The following ABR variants were observed in gnomAD, a reference collection of about 807,000 sequenced individuals.
ABR encodes ABR activator of RhoGEF and GTPase.
A neutral mutation model predicts 107.2 loss-of-function variants in ABR; 35 were observed. The observed-to-expected ratio is 0.33, with a 90% CI of 0.25 to 0.43. The LOEUF (loss-of-function observed/expected upper bound fraction) is 0.43. Ranked by LOEUF, ABR falls within the 20% of genes least tolerant of loss-of-function variation. The probability of loss-of-function intolerance (pLI) is 1.00; values close to 1 mark genes in which losing one functional copy is unlikely to be tolerated. For synonymous variants in ABR, 498 were observed against 462.0 expected (o/e 1.08, Z -1.00); for missense variants, 815 against 1,115.2 (o/e 0.73, Z 3.83).
intron 10 of ABR, among the ~76,000 whole-genome samples, chr17:1,064,029 G>C (rs2034377241): frequency 7.0e-6 from 1 of 143,504 alleles, no homozygotes; most frequent in Non-Finnish European, 1.6e-5. Flanking sequence ...AGACACTGTT[G>C]TTATGTGAAC....
chr17:1,068,908 TA>T (rs1341598578), intron 9 of ABR, among the ~76,000 whole-genome samples: 2 of 152,226 alleles, frequency 1.3e-5, no homozygotes, highest in East Asian at 3.8e-4. Flanking sequence ...AGAAATCATG[TA>T]TTCAAAGCAT....
chr17:1,164,567 C>T (rs906507579), intron 1 of ABR, among the ~76,000 whole-genome samples: 5 of 150,676 alleles, frequency 3.3e-5, no homozygotes, highest in South Asian at 2.1e-4. Context: ...GACAAGCTTT[C>T]GGTCTACAGA....
intron 16 of ABR, among the ~76,000 whole-genome samples, chr17:1,017,101 G>A (rs1020625934): frequency 1.3e-5 from 2 of 152,066 alleles, no homozygotes; most frequent in African/African-American, 4.8e-5. Flanking sequence ...GGTGTGTGCA[G>A]AGAACCAAGT....
At chr17:1,115,742 T>A (rs1266055542) in intron 2 of ABR, among the ~76,000 whole-genome samples, 1 of 151,472 alleles carries the variant, frequency 6.6e-6, no homozygotes, top group Non-Finnish European at 1.5e-5. Flanking sequence ...CTGGCCAACG[T>A]GGTGAAACCC....
rs776850556 is a variant in ABR, at chr17:1,079,325, G to T, written c.700+5C>A. On this transcript the variant is annotated splice_donor_5th_base_variant and intron_variant, in intron 6 of 22. Transcript: ENST00000302538. ...GCCTGTAATCCAGCCCGCTCCCCGA[G>T]GTACCTTCCATGGTGACAGACGTGT... The T allele has an allele frequency of 1.9e-6, 3 of 1,613,214 alleles. No individual in the cohort carries two copies. The highest frequency in any genetic ancestry group is 8.5e-7 in the Non-Finnish European group (1 of 1,179,564).
At chr17:1,203,985 C>T (rs1260802427) in intron 1 of ABR, among the ~76,000 whole-genome samples, 2 of 152,176 alleles carry the variant, frequency 1.3e-5, no homozygotes, top group East Asian at 3.9e-4. Flanking sequence ...GGGGGAAATC[C>T]CTGGAGCCGA....
chr17:1,125,288 C>T lies in ABR; in HGVS notation c.141G>A (p.Met47Ile), dbSNP rs769785436. 1.2e-6 allele frequency: 2 copies of T among 1,613,948 alleles called. No homozygotes were observed. The highest frequency in any genetic ancestry group is 1.7e-6 in the Non-Finnish European group (2 of 1,179,936). ...QKGPPEGSET[M>I]PYIDESPTMS... is the part of the protein sequence containing the mutation. ...TGGTGGGCGACTCATCGATGTACGGCATGGTCTCTGAGCCCTCCGGGGGCC... is the reference window on the plus strand; with the variant it reads ...TGGTGGGCGACTCATCGATGTACGGTATGGTCTCTGAGCCCTCCGGGGGCC... Residue 47 changes from methionine (M) to isoleucine (I), a missense_variant, in exon 2 of 23, where the codon ATG becomes ATA. Coordinates refer to ENST00000302538, the MANE Select transcript of ABR (RefSeq NM_021962.5).
chr17:1,226,539 T>C (rs567370230), intron 1 of ABR, among the ~76,000 whole-genome samples: 5 of 151,562 alleles, frequency 3.3e-5, no homozygotes, highest in Non-Finnish European at 5.9e-5. Context: ...CAGTGTGCCA[T>C]GTACATACGT....
intron 1 of ABR, among the ~76,000 whole-genome samples, chr17:1,152,965 G>A (rs576375929): frequency 2.0e-5 from 3 of 152,162 alleles, no homozygotes; most frequent in South Asian, 2.1e-4. Flanking sequence ...GGTGGTGCAC[G>A]CCTGTAGTCC....
intron 14 of ABR, among the ~76,000 whole-genome samples, chr17:1,053,766 C>T (rs567627386): frequency 2.6e-5 from 4 of 152,228 alleles, no homozygotes; most frequent in Middle Eastern, 3.4e-3. Flanking sequence ...GGCCACGGGT[C>T]GGCTCCCTGA....
chr17:1,124,748 A>G (rs2151449117), intron 2 of ABR, among the ~76,000 whole-genome samples: 1 of 152,342 alleles, frequency 6.6e-6, no homozygotes, highest in Middle Eastern at 3.4e-3. Context: ...TTGCACCCAC[A>G]GGGAGCACCA....
intron 16 of ABR, among the ~76,000 whole-genome samples, chr17:1,022,136 C>T (rs1316194143): frequency 9.9e-6 from 1 of 101,520 alleles, no homozygotes; most frequent in Non-Finnish European, 1.8e-5. Flanking sequence ...CAGAAAATGA[C>T]TCCAGAAGGA....
In ABR at chr17:1,127,949, G is replaced by A. The variant is rs533437692; in HGVS notation, c.62-2582C>T. The stretch of plus-strand genomic sequence containing the variant: ...TTTTCCCAATTTACATACAATTGCC[G>A]AAGATCACAGGATCAGAACCCAGGT... On this transcript the variant is annotated intron_variant, in intron 1 of 22. Coordinates refer to ENST00000302538, the MANE Select transcript of ABR (RefSeq NM_021962.5). 2.6e-5 allele frequency among the ~76,000 whole-genome samples: 4 copies of A among 152,272 alleles called. No homozygotes were observed. In the South Asian group the frequency reaches 6.2e-4, roughly 24 times the overall value.
rs924437516 is a variant in ABR at position 1,066,622 on chromosome 17, G to A, written c.1182+455C>T. Among the ~76,000 whole-genome samples, 6 of 151,442 alleles carry A rather than the reference G, an allele frequency of 4.0e-5. 1 individual carries two copies. The East Asian group carries it at 9.8e-4, about 25-fold the overall frequency. On this transcript the variant is annotated intron_variant, in intron 10 of 22. Coordinates refer to ENST00000302538, the MANE Select transcript of ABR (RefSeq NM_021962.5). The stretch of plus-strand genomic sequence containing the variant: ...TGGCTCACTGCAACCTCCACCTCCC[G>A]GGTTCAAGCCATTCTACTGCCTCAG...
chr17:1,215,745 G>A (rs1244724126), intron 1 of ABR, among the ~76,000 whole-genome samples: 1 of 152,174 alleles, frequency 6.6e-6, no homozygotes, highest in African/African-American at 2.4e-5. Context: ...AGGGGGAAAT[G>A]TGGGGAAAAG....
chr17:1,110,122 A>G (rs1168197144), intron 2 of ABR, among the ~76,000 whole-genome samples: 1 of 150,706 alleles, frequency 6.6e-6, no homozygotes, highest in Non-Finnish European at 1.5e-5. Flanking sequence ...AACCCAGGAC[A>G]GGCACCATCT....
At chr17:1,042,523 A>G (rs2150985095) in intron 16 of ABR, among the ~76,000 whole-genome samples, 1 of 151,288 alleles carries the variant, frequency 6.6e-6, no homozygotes, top group Admixed American at 6.6e-5. Flanking sequence ...GGACGGATGG[A>G]TAAACAGATG....
chr17:1,008,868 T>C (rs896417913), intron 21 of ABR, among the ~76,000 whole-genome samples: 14 of 152,178 alleles, frequency 9.2e-5, no homozygotes, highest in African/African-American at 2.9e-4. Context: ...CAACCAACTT[T>C]AGCCACTCTT....
In ABR at chr17:1,078,859, T is replaced by C. The variant is rs1319427749; in HGVS notation, c.700+471A>G. ...AAGCGAATAATGAGGAGAATCTCCA[T>C]GGCAGCCTCTGTCCCCGCGGCGGGA... is the stretch of plus-strand genomic sequence containing the variant. On this transcript the variant is annotated intron_variant, in intron 6 of 22. Transcript: ENST00000302538. This position sits in a 1 kb window ranked among gnomAD's most constrained non-coding sequence, Gnocchi z 7.5. The C allele has an allele frequency of 2.6e-6, 4 of 1,535,456 alleles. No individual in the cohort carries two copies. Among genetic ancestry groups the C allele is most frequent in the Admixed American group, 2.0e-5 (1 of 50,976 alleles).
Sources: gnomAD v4.1 joint callset for allele counts (sites outside exome capture counted in the v4.1 genomes callset) on GRCh38, gnomAD v4.1.1 for gene constraint, Gnocchi (gnomAD v3.1) non-coding constraint, MANE v1.5 for transcripts, NCBI Gene and HGNC (gene_info 2026-07-23, HGNC 2026-07-21) for gene names.